Variants in TMED3 observed in about 807,000 individuals in gnomAD.
TMED3 encodes the protein transmembrane emp24 domain-containing protein 3.
TMED3 carries 9 observed loss-of-function variants against 15.0 expected under a neutral mutation model. The observed-to-expected ratio is 0.60, with a 90% CI of 0.36 to 1.04. TMED3 has a LOEUF of 1.04. Ranked by LOEUF, TMED3 falls within the 50% of genes least tolerant of loss-of-function variation. The pLI, the probability that TMED3 is intolerant of heterozygous loss-of-function variation, is 0.01. For missense variants in TMED3, 267 were observed against 278.9 expected (o/e 0.96, Z 0.30); for synonymous variants, 117 against 121.4 (o/e 0.96, Z 0.24).
intron 2 of TMED3, among the ~76,000 whole-genome samples, chr15:79,335,261 A>G (rs963241076): frequency 1.3e-5 from 2 of 152,194 alleles, no homozygotes; most frequent in Non-Finnish European, 2.9e-5. Flanking sequence ...ATTAACACAG[A>G]CAGATTCTGG....
chr15:79,381,857 C>G (rs1485333909), intron 2 of TMED3, among the ~76,000 whole-genome samples: 1 of 152,186 alleles, frequency 6.6e-6, no homozygotes, highest in Non-Finnish European at 1.5e-5. Context: ...TTCCTTCTTC[C>G]TTCCAGAGCT....
intron 2 of TMED3, among the ~76,000 whole-genome samples, chr15:79,396,031 C>A (rs1893757811): frequency 6.6e-6 from 1 of 152,156 alleles, no homozygotes; most frequent in East Asian, 1.9e-4. Flanking sequence ...CTGAAGGAGA[C>A]AAAAGTAAAT....
chr15:79,399,839 C>T (rs985112703), intron 2 of TMED3, among the ~76,000 whole-genome samples: 5 of 152,150 alleles, frequency 3.3e-5, no homozygotes, highest in African/African-American at 9.7e-5. Context: ...AATCAGGGGG[C>T]GTGGATCTAA....
chr15:79,327,540 C>CTG (rs1457849794), downstream of TMED3, among the ~76,000 whole-genome samples: 1 of 152,222 alleles, frequency 6.6e-6, no homozygotes, highest in Non-Finnish European at 1.5e-5. Context: ...GCACAGAGAC[C>CTG]TGTGTATTCA....
At chr15:79,315,693 T>A (rs1171062372) in intron 2 of TMED3, among the ~76,000 whole-genome samples, 1 of 152,224 alleles carries the variant, frequency 6.6e-6, no homozygotes, top group African/African-American at 2.4e-5. Context: ...TAGAACCTCT[T>A]CTTTGCTCCT....
At chr15:79,391,920 T>C (rs1169685553) in intron 2 of TMED3, among the ~76,000 whole-genome samples, 1 of 152,224 alleles carries the variant, frequency 6.6e-6, no homozygotes, top group African/African-American at 2.4e-5. Flanking sequence ...ACTTTTGGTG[T>C]CCATTTGCAT....
intron 2 of TMED3, among the ~76,000 whole-genome samples, chr15:79,354,655 G>A (rs1293266144): frequency 1.3e-5 from 2 of 151,468 alleles, no homozygotes; most frequent in East Asian, 3.9e-4. Context: ...TTCAAGGAAA[G>A]GTTCACTAAG....
chr15:79,321,884 A>G, intron 2 of TMED3, 94 bp from the exon 3 acceptor site: 1 of 1,430,620 alleles, frequency 7.0e-7, no homozygotes, highest in Non-Finnish European at 9.6e-7. Flanking sequence ...TTCAGTGGAT[A>G]TCACCTAGGA....
intron 2 of TMED3, among the ~76,000 whole-genome samples, chr15:79,336,465 C>G (rs2058827164): frequency 6.6e-6 from 1 of 152,202 alleles, no homozygotes; most frequent in African/African-American, 2.4e-5. Context: ...CGAGACCAGC[C>G]TGGCCAACAT....
chr15:79,328,706 A>G (rs1268840017), intron 2 of TMED3, among the ~76,000 whole-genome samples: 1 of 152,188 alleles, frequency 6.6e-6, no homozygotes, highest in Non-Finnish European at 1.5e-5. Context: ...TGGAGAAACC[A>G]CAGAAGCAAG....
chr15:79,373,755 G>C (rs1003873226), intron 2 of TMED3, among the ~76,000 whole-genome samples: 1 of 152,168 alleles, frequency 6.6e-6, no homozygotes, highest in Non-Finnish European at 1.5e-5. Flanking sequence ...TTATACAGGG[G>C]AAACATAATA....
At chr15:79,336,689 C>G (rs949460614) in intron 2 of TMED3, among the ~76,000 whole-genome samples, 24 of 146,332 alleles carry the variant, frequency 1.6e-4, no homozygotes, top group Admixed American at 1.2e-3. Flanking sequence ...GACTCTGTCT[C>G]AAAACAAACA....
chr15:79,404,217 A>G (rs537356439), intron 2 of TMED3, among the ~76,000 whole-genome samples: 2 of 152,346 alleles, frequency 1.3e-5, no homozygotes, highest in Admixed American at 6.5e-5. Flanking sequence ...TATATGAATT[A>G]GGTGACAATT....
intron 2 of TMED3, among the ~76,000 whole-genome samples, chr15:79,398,997 G>A (rs1028202044): frequency 1.3e-5 from 2 of 152,076 alleles, no homozygotes; most frequent in African/African-American, 4.8e-5. Flanking sequence ...TGCAACCTCC[G>A]CCTCCAGGGT....
intron 2 of TMED3, chr15:79,314,596 A>G (rs764392110): frequency 3.1e-5 from 14 of 454,106 alleles, no homozygotes; most frequent in East Asian, 7.0e-5. Context: ...AGAAAAGCCC[A>G]TCTACTTCTT....
At position 79,369,591 on chromosome 15, in the gene TMED3, C is replaced by T. The variant is rs141609641; in HGVS notation, c.418-41809C>T. On this transcript the variant is annotated intron_variant, in intron 2 of 2. Coordinates refer to the TMED3 transcript ENST00000424155. The stretch of plus-strand genomic sequence containing the variant: ...CTCTGCAAGCGGTAAGCAACTAACC[C>T]GCATTTCAGTTACAATATTAGCCAG... 2.3e-3 allele frequency among the ~76,000 whole-genome samples: 350 copies of T among 152,322 alleles called. 2 individuals are homozygous for T. Among genetic ancestry groups the T allele is most frequent in the African/African-American group, 8.0e-3 (332 of 41,578 alleles).
chr15:79,410,964 C>T (rs1247096071), intron 2 of TMED3, among the ~76,000 whole-genome samples: 2 of 152,134 alleles, frequency 1.3e-5, no homozygotes, highest in African/African-American at 4.8e-5. Context: ...TCAAAGCATT[C>T]TCTTTATATT....
At chr15:79,395,861 A>G (rs1234220589) in intron 2 of TMED3, among the ~76,000 whole-genome samples, 1 of 152,146 alleles carries the variant, frequency 6.6e-6, no homozygotes, top group Non-Finnish European at 1.5e-5. Flanking sequence ...CTCCTAATTG[A>G]TACTATGGCA....
chr15:79,314,113 C>G, intron 2 of TMED3, 108 bp downstream of exon 2: 1 of 1,458,452 alleles, frequency 6.9e-7, no homozygotes, highest in Non-Finnish European at 9.2e-7. Flanking sequence ...AGCTCCCAGT[C>G]TGGAAGTCTC....
Sources: allele counts gnomAD v4.1 joint callset (sites outside exome capture counted in the v4.1 genomes callset), GRCh38; gene constraint gnomAD v4.1.1; transcripts MANE v1.5; gene names NCBI Gene and HGNC (gene_info 2026-07-23, HGNC 2026-07-21).